BRCA2: variants seen among roughly 807,000 people sequenced by gnomAD.
BRCA2 encodes the protein BRCA2 DNA repair associated.
Under a neutral mutation model 276.7 loss-of-function variants are expected in BRCA2, and 203 were observed. The observed-to-expected ratio is 0.73, with a 90% confidence interval of 0.65 to 0.82. BRCA2 has a LOEUF of 0.82. BRCA2 is among the 40% of genes least tolerant of loss of function. The probability of loss-of-function intolerance (pLI) is 0.00; values close to 1 mark genes in which losing one functional copy is unlikely to be tolerated. For synonymous variants in BRCA2, 1,289 were observed against 1,338.4 expected (o/e 0.96, Z 0.81); for missense variants, 3,920 against 3,915.0 (o/e 1.00, Z -0.03).
At chr13:32,386,829 C>T (rs914643483) in intron 24 of BRCA2, among the ~76,000 whole-genome samples, 2 of 152,090 alleles carry the variant, frequency 1.3e-5, no homozygotes, top group African/African-American at 2.4e-5. Context: ...TGAGTAACGC[C>T]GTGTATTTAT....
rs1566236858 is a variant in BRCA2, at chr13:32,344,562, A to G, written c.6846A>G (p.Glu2282=). ...ATATGAAATATTTCTTTTTAGGAGA[A>G]CCCTCAATCAAAAGAAACTTATTAA... ...RRGEPLILVG[E]PSIKRNLLNE... is the part of the protein sequence containing the mutation. The change falls in exon 12 of 27, where the codon GAA becomes GAG. Residue 2282 remains glutamate, a synonymous_variant. Transcript: ENST00000380152. 1.3e-6 allele frequency: 2 copies of G among 1,516,400 alleles called. No homozygotes were observed. The highest frequency in any genetic ancestry group is 1.4e-5 in the African/African-American group (1 of 72,378). 93.9% of individuals were successfully genotyped at this position (1,516,400 alleles called of 1,614,324 possible). A position where few individuals can be genotyped will look rare whatever the true frequency, so the allele number is the denominator to read the frequency against.
chr13:32,370,790 A>T (rs954249224), intron 19 of BRCA2, among the ~76,000 whole-genome samples, 166 bp from the exon 20 acceptor site: 1 of 152,136 alleles, frequency 6.6e-6, no homozygotes. Context: ...AAGGGGTTTC[A>T]TCATGTTGGT....
intron 20 of BRCA2, among the ~76,000 whole-genome samples, chr13:32,376,378 C>T (rs1029266410): frequency 2.0e-5 from 3 of 151,664 alleles, no homozygotes; most frequent in South Asian, 2.1e-4. Flanking sequence ...AAAAATTAAC[C>T]GGGCATGTTG....
In BRCA2 at chr13:32,338,016, T is replaced by C. The variant is rs80358611; in HGVS notation, c.3661T>C (p.Ser1221Pro). The C allele has an allele frequency of 1.2e-5, 20 of 1,612,942 alleles. No homozygotes were observed. The highest frequency in any genetic ancestry group is 1.7e-5 in the Non-Finnish European group (20 of 1,179,326). The stretch of plus-strand genomic sequence containing the variant: ...TGAAGTGGGGTTTAGGGGCTTTTAT[T>C]CTGCTCATGGCACAAAACTGAATGT... ...ENEVGFRGFY[S>P]AHGTKLNVST... The change falls in exon 11 of 27, where the codon TCT becomes CCT. Residue 1221 changes from serine (S) to proline (P), a missense_variant. Ser to Pro is a moderately conservative substitution (Grantham distance 74). This residue lies in a region of BRCA2 where 3,263 missense variants were observed against 3,156.9 expected (regional missense o/e 1.03). Transcript: ENST00000380152.
chr13:32,377,311 G>A (rs1303517433), intron 21 of BRCA2, among the ~76,000 whole-genome samples: 1 of 152,164 alleles, frequency 6.6e-6, no homozygotes, highest in African/African-American at 2.4e-5. Flanking sequence ...AAAATAGCTG[G>A]CCAGGCGCGG....
rs1397677148 is a variant in BRCA2 at position 32,341,233 on chromosome 13, C to T, written c.6841+37C>T. 4 of 1,612,866 alleles carry T rather than the reference C, an allele frequency of 2.5e-6. No homozygotes were observed. In the African/African-American group the frequency reaches 4.0e-5, roughly 16 times the overall value. On this transcript the variant is annotated intron_variant, in intron 11 of 26. Coordinates refer to ENST00000380152, the MANE Select transcript of BRCA2 (RefSeq NM_000059.4). The stretch of plus-strand genomic sequence containing the variant: ...TTTTTACCTTTCGTGTTGCCAATCA[C>T]TATTTTTAAAGTGTTTATTCAGTAG...
chr13:32,330,427 TG>T (rs1309486189), intron 8 of BRCA2, among the ~76,000 whole-genome samples: 1 of 152,350 alleles, frequency 6.6e-6, no homozygotes, highest in African/African-American at 2.4e-5. Context: ...AAGCACTTTA[TG>T]GCTTCTTTTT....
In BRCA2 at chr13:32,330,857, AC is replaced by A. The variant is rs1211885118; in HGVS notation, c.682-61del. On this transcript the variant is annotated intron_variant, in intron 8 of 26. Transcript: ENST00000380152. ...AAAGTGAAACCATGGATAAGGGGGG[AC>A]TACTACTATATGTGCATTGAGAGTT... 4 of 958,930 alleles carry A rather than the reference AC, an allele frequency of 4.2e-6. No individual in the cohort carries two copies. In the Admixed American group the frequency reaches 7.9e-5, roughly 19 times the overall value. The allele number at this position is 958,930 out of a possible 1,614,324, so 59.4% of individuals were successfully genotyped here. A position where few individuals can be genotyped will look rare whatever the true frequency, so the allele number is the denominator to read the frequency against.
Position 32,340,729 on chromosome 13 carries a change from C to A in BRCA2, c.6374C>A (p.Thr2125Asn), listed in dbSNP as rs776937022. The A allele has an allele frequency of 6.2e-7, 1 of 1,606,198 alleles. No individual in the cohort carries two copies. ...TGTGTAAACTCAGAAATGGAAAAAA[C>A]CTGCAGTAAAGAATTTAAATTATCA... ...EHCVNSEMEK[T>N]CSKEFKLSNN... Residue 2125 changes from threonine to asparagine, a missense_variant, in exon 11 of 27, where the codon ACC becomes AAC. Coordinates refer to ENST00000380152, the MANE Select transcript of BRCA2 (RefSeq NM_000059.4).
At chr13:32,355,510 A>G (rs952827009) in intron 14 of BRCA2, among the ~76,000 whole-genome samples, 1 of 152,204 alleles carries the variant, frequency 6.6e-6, no homozygotes, top group Non-Finnish European at 1.5e-5. Flanking sequence ...CACACAATCT[A>G]GGACTGCTGT....
At chr13:32,376,871 A>G in intron 21 of BRCA2, 80 bp downstream of exon 21, 6 of 1,563,586 alleles carry the variant, frequency 3.8e-6, no homozygotes, top group South Asian at 1.2e-5. Flanking sequence ...TGGCCATCAC[A>G]GGAAGGAGTA....
intron 7 of BRCA2, among the ~76,000 whole-genome samples, chr13:32,328,049 C>CT (rs1269612276): frequency 6.6e-6 from 1 of 151,876 alleles, no homozygotes; most frequent in African/African-American, 2.4e-5. Context: ...TGTGACCATT[C>CT]TTTTTTATTT....
intron 24 of BRCA2, among the ~76,000 whole-genome samples, chr13:32,391,973 G>A (rs2072999945): frequency 6.6e-6 from 1 of 152,014 alleles, no homozygotes. Flanking sequence ...TTTTATATTT[G>A]GGGAAAACAA....
intron 3 of BRCA2, among the ~76,000 whole-genome samples, chr13:32,323,291 T>A (rs1403902150): frequency 1.3e-5 from 2 of 152,040 alleles, no homozygotes; most frequent in African/African-American, 4.8e-5. Context: ...TAGCTGGGAC[T>A]ACAGGCACCC....
rs148220760 is a variant in BRCA2, at chr13:32,348,158, G to T, written c.7007+1262G>T. On this transcript the variant is annotated intron_variant, in intron 13 of 26. Coordinates refer to ENST00000380152, the MANE Select transcript of BRCA2 (RefSeq NM_000059.4). ...TAGAAATAATGGAAGAATCATGAAA[G>T]TTCCCAGAATACAGAATAAAATGAA... Among the ~76,000 whole-genome samples, 102 of 152,044 alleles carry T rather than the reference G, an allele frequency of 6.7e-4. 1 individual carries two copies. The highest frequency in any genetic ancestry group is 2.4e-3 in the African/African-American group (99 of 41,486).
chr13:32,316,502 T>TTTA lies in BRCA2; in HGVS notation c.44_45insATT (p.Ile14_Phe15insLeu), dbSNP rs80359445. ...AAGAGAGGCCAACATTTTTTGAAAT[T>TTTA]TTTAAGACACGCTGCAACAAAGCAG... On this transcript the variant is annotated inframe_insertion, in exon 2 of 27. Transcript: ENST00000380152. The TTTA allele has an allele frequency of 1.1e-5, 17 of 1,613,954 alleles. No homozygotes were observed. Among genetic ancestry groups the TTTA allele is most frequent in the African/African-American group, 1.3e-5 (1 of 74,934 alleles).
chr13:32,371,359 G>T (rs910174401), intron 20 of BRCA2, among the ~76,000 whole-genome samples: 2 of 152,122 alleles, frequency 1.3e-5, no homozygotes, highest in South Asian at 4.1e-4. Context: ...TTTTGTCATG[G>T]TAGTTATTAG....
intron 13 of BRCA2, among the ~76,000 whole-genome samples, chr13:32,348,561 A>G (rs146935082): frequency 1.4e-3 from 212 of 152,344 alleles, no homozygotes; most frequent in African/African-American, 4.9e-3. Flanking sequence ...TGCCTTCAAA[A>G]TACTGAGAGA....
chr13:32,380,199 T>A lies in BRCA2; in HGVS notation c.9256+54T>A, dbSNP rs1555288597. ...ATTGATTCTTTTAAAAAACATTGTC[T>A]TTTAAAATCTCTTATGATTAGTTGG... On this transcript the variant is annotated intron_variant, in intron 24 of 26. Transcript: ENST00000380152. 6 of 1,544,160 alleles carry A rather than the reference T, an allele frequency of 3.9e-6. No homozygotes were observed. The highest frequency in any genetic ancestry group is 1.8e-4 in the Middle Eastern group (1 of 5,490).
Sources: gnomAD v4.1 joint callset for allele counts (sites outside exome capture counted in the v4.1 genomes callset) on GRCh38, gnomAD v4.1.1 for gene constraint, gnomAD v4.1.1 regional missense constraint, MANE v1.5 for transcripts, NCBI Gene and HGNC (gene_info 2026-07-23, HGNC 2026-07-21) for gene names.